Variants in PUS10 observed in about 807,000 individuals in gnomAD.
PUS10 encodes the protein pseudouridine synthase 10.
In PUS10, 59 loss-of-function variants were observed where a neutral mutation model predicts 75.0. That is an observed-to-expected ratio of 0.79 (90% CI 0.64 to 0.98). The LOEUF is 0.98. Ranked by LOEUF, PUS10 falls within the 50% of genes least tolerant of loss-of-function variation. The probability of loss-of-function intolerance (pLI) is 0.00; values close to 1 mark genes in which losing one functional copy is unlikely to be tolerated. For synonymous variants in PUS10, 219 were observed against 211.6 expected (o/e 1.03, Z -0.30); for missense variants, 650 against 614.4 (o/e 1.06, Z -0.61).
At chr2:60,954,208 C>G (rs762573130) in intron 12 of PUS10, 50 bp from the exon 13 acceptor site, 15 of 1,587,278 alleles carry the variant, frequency 9.5e-6, no homozygotes, top group Non-Finnish European at 1.3e-5. Flanking sequence ...ATGGAGTTAA[C>G]ATTTGGGCTA....
At chr2:60,985,989 A>G (rs1350716246) in intron 4 of PUS10, among the ~76,000 whole-genome samples, 1 of 151,634 alleles carries the variant, frequency 6.6e-6, no homozygotes, top group African/African-American at 2.4e-5. Context: ...CATCAGGGAA[A>G]TCAAAGGAAA....
At position 61,008,811 on chromosome 2, in the gene PUS10, C is replaced by T. The variant is rs758119360; in HGVS notation, c.331G>A (p.Val111Ile). The T allele has an allele frequency of 3.7e-6, 6 of 1,607,050 alleles. No individual in the cohort carries two copies. Among genetic ancestry groups the T allele is most frequent in the South Asian group, 1.1e-5 (1 of 90,032 alleles). ...AATTCTTGAAGAATTCCTAGGCATA[C>T]ATTACATACATTTAAATTTGAGTTC... Reference protein sequence around the residue: ...SKNSNLNVCNVCLGILQEFCE... With the variant: ...SKNSNLNVCNICLGILQEFCE... The change falls in exon 3 of 18, where the codon GTA becomes ATA. Residue 111 changes from valine to isoleucine, a missense_variant. Val to Ile is a conservative substitution (Grantham distance 29). Transcript: ENST00000316752.
Position 60,942,230 on chromosome 2 carries a change from T to C in PUS10, c.*165A>G, listed in dbSNP as rs558562822. ...ATTTAACACAAAATATACACATATA[T>C]AGATCCTGAGATGTTACAACAAATT... is the stretch of plus-strand genomic sequence containing the variant. On this transcript the variant is annotated 3_prime_UTR_variant, in exon 18 of 18. Transcript: ENST00000316752. The C allele has an allele frequency of 1.5e-6, 1 of 656,090 alleles. No individual in the cohort carries two copies. The highest frequency in any genetic ancestry group is 2.0e-5 in the South Asian group (1 of 50,454). 40.6% of individuals were successfully genotyped at this position (656,090 alleles called of 1,614,324 possible).
At chr2:60,947,558 G>A (rs1675022858) in intron 16 of PUS10, among the ~76,000 whole-genome samples, 1 of 152,136 alleles carries the variant, frequency 6.6e-6, no homozygotes, top group South Asian at 2.1e-4. Context: ...GGCCAGGCGC[G>A]GTGGCTCACG....
intron 4 of PUS10, among the ~76,000 whole-genome samples, chr2:60,986,933 A>G (rs1311737360): frequency 6.6e-6 from 1 of 152,232 alleles, no homozygotes; most frequent in East Asian, 1.9e-4. Context: ...TTCTTGTAAA[A>G]TTGGAAGTTT....
chr2:60,998,055 C>G (rs1157427138), intron 4 of PUS10, among the ~76,000 whole-genome samples: 1 of 152,180 alleles, frequency 6.6e-6, no homozygotes, highest in Non-Finnish European at 1.5e-5. Context: ...CATGCCTGCA[C>G]ACACAATATA....
chr2:60,944,253 C>CTAATCT, intron 17 of PUS10: 1 of 983,134 alleles, frequency 1.0e-6, no homozygotes. Context: ...ACTGCAGGAG[C>CTAATCT]TAATCTAATC....
In PUS10 at chr2:60,967,473, T is replaced by A. The variant is rs749328915; in HGVS notation, c.615+29A>T. The A allele has an allele frequency of 7.8e-6, 11 of 1,408,314 alleles. No homozygotes were observed. In the African/African-American group the frequency reaches 1.4e-4, roughly 19 times the overall value. The allele number at this position is 1,408,314 out of a possible 1,614,324, so 87.2% of individuals were successfully genotyped here. A position where few individuals can be genotyped will look rare whatever the true frequency, so the allele number is the denominator to read the frequency against. ...AAGTAAAACTAGTAAAATCAGAGAA[T>A]AAAATTAACAATGCTGTTGACCCAA... is the stretch of plus-strand genomic sequence containing the variant. On this transcript the variant is annotated intron_variant, in intron 6 of 17. Coordinates refer to ENST00000316752, the MANE Select transcript of PUS10 (RefSeq NM_144709.4).
intron 11 of PUS10, among the ~76,000 whole-genome samples, chr2:60,956,836 G>A (rs1338690081): frequency 6.6e-6 from 1 of 151,804 alleles, no homozygotes; most frequent in Non-Finnish European, 1.5e-5. Context: ...TTAGCTGGGT[G>A]TGGTGGCGTG....
intron 4 of PUS10, among the ~76,000 whole-genome samples, chr2:60,977,019 G>C (rs977232507): frequency 6.6e-6 from 1 of 152,156 alleles, no homozygotes; most frequent in African/African-American, 2.4e-5. Flanking sequence ...CCTGGACTAT[G>C]TTTAACTTTA....
intron 4 of PUS10, among the ~76,000 whole-genome samples, chr2:60,982,057 T>G (rs1376932244): frequency 6.6e-6 from 1 of 151,906 alleles, no homozygotes; most frequent in African/African-American, 2.4e-5. Flanking sequence ...ACCAATAACT[T>G]TTCTTTTTCC....
At chr2:60,983,525 A>C (rs1677536252) in intron 4 of PUS10, among the ~76,000 whole-genome samples, 1 of 151,984 alleles carries the variant, frequency 6.6e-6, no homozygotes, top group Admixed American at 6.6e-5. Context: ...TAAAAAATAC[A>C]AAAAAATTAG....
At chr2:60,967,153 T>C in intron 6 of PUS10, 1 of 196,946 alleles carries the variant, frequency 5.1e-6, no homozygotes, top group Non-Finnish European at 1.0e-5. Flanking sequence ...CAAAATTAAA[T>C]AGTCCAGAGT....
At chr2:60,964,984 C>G in intron 8 of PUS10, 74 bp downstream of exon 8, 1 of 1,302,360 alleles carries the variant, frequency 7.7e-7, no homozygotes, top group South Asian at 1.2e-5. Flanking sequence ...GATGCATATC[C>G]TTTTTGTTGG....
At chr2:60,952,334 CAAAAAAAA>C (rs78551218) in intron 15 of PUS10, among the ~76,000 whole-genome samples, 62 of 100,466 alleles carry the variant, frequency 6.2e-4, no homozygotes, top group African/African-American at 2.3e-3. Flanking sequence ...GACTCTGTCT[CAAAAAAAA>C]AAAAAAAAAA....
intron 17 of PUS10, among the ~76,000 whole-genome samples, chr2:60,944,552 A>G (rs181540155): frequency 3.5e-4 from 53 of 152,326 alleles, no homozygotes; most frequent in Admixed American, 6.5e-4. Context: ...CAATTACTTT[A>G]GAATTTAACC....
At chr2:60,950,663 A>C (rs550219860) in intron 15 of PUS10, among the ~76,000 whole-genome samples, 1 of 152,206 alleles carries the variant, frequency 6.6e-6, no homozygotes, top group African/African-American at 2.4e-5. Flanking sequence ...AAGTGATCCA[A>C]CCACCTCAGC....
chr2:60,994,632 A>G (rs1369437873), intron 4 of PUS10, among the ~76,000 whole-genome samples: 1 of 152,228 alleles, frequency 6.6e-6, no homozygotes, highest in Non-Finnish European at 1.5e-5. Flanking sequence ...CTCTTTTTAA[A>G]TGATCACACT....
chr2:60,990,982 A>G, intron 4 of PUS10, among the ~76,000 whole-genome samples: 1 of 151,960 alleles, frequency 6.6e-6, no homozygotes, highest in Admixed American at 6.6e-5. Flanking sequence ...CTGGGCTCAA[A>G]TGATCCTGAG....
Sources: allele counts gnomAD v4.1 joint callset (sites outside exome capture counted in the v4.1 genomes callset), GRCh38; gene constraint gnomAD v4.1.1; transcripts MANE v1.5; gene names NCBI Gene and HGNC (gene_info 2026-07-23, HGNC 2026-07-21).